KLHL32: variants seen among roughly 807,000 people sequenced by gnomAD.
KLHL32 encodes kelch like family member 32.
In KLHL32, 35 loss-of-function variants were observed where a neutral mutation model predicts 64.8. That is an observed-to-expected ratio of 0.54 (90% CI 0.41 to 0.72). The LOEUF is 0.72. Ranked by LOEUF, KLHL32 falls within the 30% of genes least tolerant of loss-of-function variation. The pLI, the probability that KLHL32 is intolerant of heterozygous loss-of-function variation, is 0.00. For missense variants in KLHL32, 589 were observed against 768.5 expected, an observed-to-expected ratio of 0.77 and a Z score of 2.76; for synonymous variants, 259 against 281.0, an observed-to-expected ratio of 0.92 and a Z score of 0.78.
chr6:97,028,392 C>G (rs1783041952), intron 3 of KLHL32, among the ~76,000 whole-genome samples: 1 of 152,132 alleles, frequency 6.6e-6, no homozygotes, highest in Non-Finnish European at 1.5e-5. Context: ...CTTTGAAAAC[C>G]ACACAGGAGT....
chr6:96,947,472 A>G (rs890702585), intron 1 of KLHL32, among the ~76,000 whole-genome samples: 3 of 152,198 alleles, frequency 2.0e-5, no homozygotes, highest in African/African-American at 7.2e-5. Context: ...CCAAAAATAA[A>G]TCCCTCTCAA....
intron 3 of KLHL32, among the ~76,000 whole-genome samples, chr6:97,003,878 T>A (rs1224905392): frequency 1.2e-4 from 18 of 152,212 alleles, no homozygotes; most frequent in Admixed American, 1.2e-3. Flanking sequence ...TATCATGCTG[T>A]TTTGGTTACT....
chr6:97,112,246 T>C (rs1797242775), intron 6 of KLHL32, among the ~76,000 whole-genome samples: 1 of 152,160 alleles, frequency 6.6e-6, no homozygotes, highest in African/African-American at 2.4e-5. Flanking sequence ...GCTAATTCCT[T>C]CAGACTCACA....
chr6:97,139,238 C>A lies in KLHL32; in HGVS notation c.1819C>A (p.Leu607Ile). 2 of 1,614,046 alleles carry A rather than the reference C, an allele frequency of 1.2e-6. No homozygotes were observed. The highest frequency in any genetic ancestry group is 8.5e-7 in the Non-Finnish European group (1 of 1,179,932). Reference protein sequence around the residue: ...LPAPYFTCPNLQTLQVPHHRI... With the variant: ...LPAPYFTCPNIQTLQVPHHRI... ...AGCTCCATATTTTACATGCCCTAAC[C>A]TTCAAACTCTTCAAGTGCCTCATCA... The change falls in exon 11 of 11, where the codon CTT becomes ATT. Residue 607 changes from leucine to isoleucine, a missense_variant. This residue lies in a region of KLHL32 where 172 missense variants were observed against 192.0 expected (regional missense o/e 0.90). Coordinates refer to ENST00000369261, the MANE Select transcript of KLHL32 (RefSeq NM_052904.4).
chr6:97,076,896 G>C (rs1279842173), intron 5 of KLHL32, among the ~76,000 whole-genome samples: 1 of 151,654 alleles, frequency 6.6e-6, no homozygotes, highest in Non-Finnish European at 1.5e-5. Context: ...AATATTTTTA[G>C]AGGAGCAGGA....
chr6:97,032,608 T>C (rs1486791799), intron 3 of KLHL32, among the ~76,000 whole-genome samples: 1 of 152,200 alleles, frequency 6.6e-6, no homozygotes, highest in Non-Finnish European at 1.5e-5. Context: ...TTAAGCTATT[T>C]TGAGTCCTGC....
chr6:96,939,145 C>T (rs577327824), intron 1 of KLHL32, among the ~76,000 whole-genome samples: 15 of 152,364 alleles, frequency 9.8e-5, no homozygotes, highest in African/African-American at 3.6e-4. Context: ...TCCTGCCATT[C>T]TGTCATTGCA....
At chr6:96,939,584 G>T (rs961159719) in intron 1 of KLHL32, among the ~76,000 whole-genome samples, 1 of 152,182 alleles carries the variant, frequency 6.6e-6, no homozygotes, top group Non-Finnish European at 1.5e-5. Context: ...AGGCAAAATG[G>T]AGAGATTGGA....
chr6:97,135,299 A>ATTCTTTTTTTTTTTTTTTTTTTTTTTT (rs770479934), intron 10 of KLHL32, among the ~76,000 whole-genome samples: 1 of 109,570 alleles, frequency 9.1e-6, no homozygotes. Context: ...AAATTTGTTA[A>ATTCTTTTTTTTTTTTTTTTTTTTTTTT]TTTTTTTTTT....
At chr6:96,974,976 A>G (rs1775532847) in intron 2 of KLHL32, among the ~76,000 whole-genome samples, 1 of 152,206 alleles carries the variant, frequency 6.6e-6, no homozygotes, top group Non-Finnish European at 1.5e-5. Context: ...CTCTGGGAGT[A>G]ACCTATTCCT....
intron 6 of KLHL32, among the ~76,000 whole-genome samples, chr6:97,106,802 A>G (rs1010528719): frequency 6.6e-6 from 1 of 152,096 alleles, no homozygotes; most frequent in Non-Finnish European, 1.5e-5. Flanking sequence ...GCAATAATTC[A>G]ACACTCAAGA....
intron 3 of KLHL32, among the ~76,000 whole-genome samples, chr6:97,016,072 G>T (rs1781147139): frequency 6.6e-6 from 1 of 152,218 alleles, no homozygotes; most frequent in African/African-American, 2.4e-5. Context: ...GAAATTTGCT[G>T]CAGGGTTGGA....
intron 7 of KLHL32, among the ~76,000 whole-genome samples, chr6:97,123,000 C>T (rs961754447): frequency 6.6e-6 from 1 of 152,208 alleles, no homozygotes; most frequent in African/African-American, 2.4e-5. Flanking sequence ...CTCCACCCTG[C>T]GTGTGGGGAT....
Position 96,973,748 on chromosome 6 carries a change from A to G in KLHL32, c.24-2249A>G, listed in dbSNP as rs180672009. Reference sequence around the variant, plus strand: ...AGATTGCCTTTTTTTTTTTAGACAGAGTCTCGCTCTGTTGCCCAGGCTGGA... The same window carrying G: ...AGATTGCCTTTTTTTTTTTAGACAGGGTCTCGCTCTGTTGCCCAGGCTGGA... On this transcript the variant is annotated intron_variant, in intron 2 of 10. Coordinates refer to ENST00000369261, the MANE Select transcript of KLHL32 (RefSeq NM_052904.4). 2.7e-3 allele frequency among the ~76,000 whole-genome samples: 125 copies of G among 46,514 alleles called. No individual in the cohort carries two copies. In the Middle Eastern group the frequency reaches 0.029, roughly 11 times the overall value. The allele number at this position is 46,514 out of a possible 152,430, so 30.5% of individuals were successfully genotyped here.
intron 4 of KLHL32, among the ~76,000 whole-genome samples, chr6:97,054,636 C>T (rs1410495174): frequency 2.6e-5 from 4 of 152,088 alleles, no homozygotes; most frequent in Non-Finnish European, 4.4e-5. Context: ...TCAAGGACTG[C>T]CTGAAAAATA....
chr6:96,920,429 A>C (rs73758057), upstream of KLHL32, among the ~76,000 whole-genome samples: 3,016 of 152,202 alleles, frequency 0.02, 105 homozygotes, highest in African/African-American at 0.07. Flanking sequence ...TGAGTTCCCC[A>C]GGTTAGAGAG....
At chr6:96,917,724 A>G in the KLHL32 span, among the ~76,000 whole-genome samples, 1 of 152,096 alleles carries the variant, frequency 6.6e-6, no homozygotes, top group Non-Finnish European at 1.5e-5. Flanking sequence ...AATTCCTGTG[A>G]CGGGCTTAAG....
At chr6:96,989,641 C>T (rs1777605064) in intron 3 of KLHL32, among the ~76,000 whole-genome samples, 1 of 152,076 alleles carries the variant, frequency 6.6e-6, no homozygotes, top group Non-Finnish European at 1.5e-5. Context: ...TTTGAATGTT[C>T]ACCTCTCTAA....
At chr6:97,029,521 T>A (rs6932441) in intron 3 of KLHL32, among the ~76,000 whole-genome samples, 12,486 of 152,218 alleles carry the variant, frequency 0.082, 1,079 homozygotes, top group Admixed American at 0.22. Flanking sequence ...TTTTATTCTC[T>A]GACAGTATTA....
Sources: gnomAD v4.1 joint callset for allele counts (sites outside exome capture counted in the v4.1 genomes callset) on GRCh38, gnomAD v4.1.1 for gene constraint, gnomAD v4.1.1 regional missense constraint, MANE v1.5 for transcripts, NCBI Gene and HGNC (gene_info 2026-07-23, HGNC 2026-07-21) for gene names.